Variants in RAPGEF4 observed in about 807,000 individuals in gnomAD.
RAPGEF4 encodes the protein Rap guanine nucleotide exchange factor 4.
In RAPGEF4, 66 loss-of-function variants were observed where a neutral mutation model predicts 147.9. The ratio of observed to expected loss-of-function variants is 0.45; its 90% CI spans 0.37 to 0.55. The LOEUF (loss-of-function observed/expected upper bound fraction) is 0.55. RAPGEF4 is among the 20% of genes least tolerant of loss of function. The pLI, the probability that RAPGEF4 is intolerant of heterozygous loss-of-function variation, is 0.00. For synonymous variants in RAPGEF4, 419 were observed against 442.7 expected, an observed-to-expected ratio of 0.95 and a Z score of 0.67; for missense variants, 1,071 against 1,257.3, an observed-to-expected ratio of 0.85 and a Z score of 2.24.
At chr2:172,791,339 G>C (rs1055148283) in intron 1 of RAPGEF4, among the ~76,000 whole-genome samples, 24 of 152,202 alleles carry the variant, frequency 1.6e-4, no homozygotes, top group Non-Finnish European at 2.6e-4. Context: ...TTCAGTTTGA[G>C]GTCGCTGTAG....
chr2:172,909,611 T>TG (rs996644920), intron 4 of RAPGEF4, among the ~76,000 whole-genome samples: 23 of 152,080 alleles, frequency 1.5e-4, no homozygotes, highest in African/African-American at 5.6e-4. Context: ...GGAGGGCATG[T>TG]GGGGGCCACA....
At chr2:172,907,122 C>G (rs1699708614) in intron 4 of RAPGEF4, among the ~76,000 whole-genome samples, 1 of 152,236 alleles carries the variant, frequency 6.6e-6, no homozygotes, top group African/African-American at 2.4e-5. Context: ...CCTCAGTGCT[C>G]TTGATGGAGA....
chr2:173,029,128 G>A (rs1466315136), intron 25 of RAPGEF4, among the ~76,000 whole-genome samples: 2 of 152,120 alleles, frequency 1.3e-5, no homozygotes, highest in Admixed American at 1.3e-4. Context: ...GCACACCAAA[G>A]GCCTCACTTG....
intron 4 of RAPGEF4, among the ~76,000 whole-genome samples, chr2:172,828,329 A>G (rs1689912089): frequency 6.6e-6 from 1 of 152,136 alleles, no homozygotes; most frequent in Non-Finnish European, 1.5e-5. Context: ...GACCCAGGCA[A>G]AGTATACAAG....
chr2:172,875,571 T>C (rs1458125390), intron 4 of RAPGEF4, among the ~76,000 whole-genome samples: 1 of 152,180 alleles, frequency 6.6e-6, no homozygotes, highest in Non-Finnish European at 1.5e-5. Flanking sequence ...TGTGTGGTAT[T>C]ATTTCGGAGG....
At chr2:172,804,827 G>A (rs1418858078) in intron 3 of RAPGEF4, among the ~76,000 whole-genome samples, 1 of 152,206 alleles carries the variant, frequency 6.6e-6, no homozygotes, top group Non-Finnish European at 1.5e-5. Flanking sequence ...ATTAACTACA[G>A]ACATTTCGAT....
chr2:172,991,866 A>C (rs977152052), intron 15 of RAPGEF4, among the ~76,000 whole-genome samples: 1 of 152,242 alleles, frequency 6.6e-6, no homozygotes, highest in African/African-American at 2.4e-5. Flanking sequence ...GTGAATCAAC[A>C]TATTTGCAAA....
At chr2:172,985,533 C>A in intron 12 of RAPGEF4, 40 bp downstream of exon 12, 2 of 1,600,148 alleles carry the variant, frequency 1.2e-6, no homozygotes, top group South Asian at 2.3e-5. Context: ...GCCTGGCCAG[C>A]ACCCTTGCAA....
rs550457277 is a variant in RAPGEF4 at position 172,987,259 on chromosome 2, G to A, written c.1151-937G>A. On this transcript the variant is annotated intron_variant, in intron 12 of 30. Transcript: ENST00000397081. Reference sequence around the variant, plus strand: ...CAAGGCTGCAGTGAGCCGTGATCACGCCACTGCACTCCAGCCTAGGTGACA... The same window carrying A: ...CAAGGCTGCAGTGAGCCGTGATCACACCACTGCACTCCAGCCTAGGTGACA... Among the ~76,000 whole-genome samples, 210 of 152,214 alleles carry A rather than the reference G, an allele frequency of 1.4e-3. 1 individual carries two copies. Among genetic ancestry groups the A allele is most frequent in the African/African-American group, 4.5e-3 (188 of 41,538 alleles).
chr2:172,945,151 T>A (rs1687564995), intron 6 of RAPGEF4, among the ~76,000 whole-genome samples: 1 of 152,132 alleles, frequency 6.6e-6, no homozygotes, highest in Admixed American at 6.6e-5. Context: ...TAGGGCAACT[T>A]GATGATAAAA....
chr2:173,044,631 T>G (rs922842920), intron 29 of RAPGEF4, among the ~76,000 whole-genome samples: 1 of 152,274 alleles, frequency 6.6e-6, no homozygotes, highest in African/African-American at 2.4e-5. Context: ...TAGGAACATA[T>G]TCATTTTTGC....
intron 4 of RAPGEF4, among the ~76,000 whole-genome samples, chr2:172,824,490 C>G (rs1480058270): frequency 6.6e-6 from 1 of 152,184 alleles, no homozygotes; most frequent in East Asian, 1.9e-4. Context: ...GTTGAATTTC[C>G]TAGTGTAGTT....
At chr2:172,859,411 A>T (rs1207418755) in intron 4 of RAPGEF4, among the ~76,000 whole-genome samples, 1 of 152,248 alleles carries the variant, frequency 6.6e-6, no homozygotes, top group Non-Finnish European at 1.5e-5. Flanking sequence ...GGTTGAGAAG[A>T]TTTTAAACAT....
At chr2:172,918,609 G>A (rs1174511004) in intron 5 of RAPGEF4, among the ~76,000 whole-genome samples, 1 of 151,974 alleles carries the variant, frequency 6.6e-6, no homozygotes, top group African/African-American at 2.4e-5. Context: ...TTCTCTAGTG[G>A]GTCCCCACTA....
chr2:172,909,916 C>A (rs1008506297), intron 4 of RAPGEF4, among the ~76,000 whole-genome samples: 5 of 152,146 alleles, frequency 3.3e-5, no homozygotes, highest in African/African-American at 1.2e-4. Flanking sequence ...CCCTCTACCT[C>A]AGGAGGATTT....
At chr2:172,998,808 G>A (rs1325520696) in intron 16 of RAPGEF4, among the ~76,000 whole-genome samples, 1 of 152,172 alleles carries the variant, frequency 6.6e-6, no homozygotes. Context: ...CCCAGAATGT[G>A]TGATTGCATA....
chr2:172,831,470 T>C (rs1298630156), intron 4 of RAPGEF4, among the ~76,000 whole-genome samples: 3 of 151,820 alleles, frequency 2.0e-5, no homozygotes, highest in Admixed American at 6.6e-5. Context: ...AGTTTCACCA[T>C]GTTGGCCAGG....
chr2:172,752,833 G>T (rs537898925), intron 1 of RAPGEF4, among the ~76,000 whole-genome samples: 3 of 152,154 alleles, frequency 2.0e-5, no homozygotes, highest in Non-Finnish European at 2.9e-5. Context: ...ATCTCCTTGC[G>T]CTGTAGCTGT....
At chr2:173,020,352 A>G (rs1259517365) in intron 22 of RAPGEF4, among the ~76,000 whole-genome samples, 1 of 152,158 alleles carries the variant, frequency 6.6e-6, no homozygotes, top group Non-Finnish European at 1.5e-5. Flanking sequence ...GTGCTCAGTA[A>G]TTATGGTTGC....
Sources: allele counts gnomAD v4.1 joint callset (sites outside exome capture counted in the v4.1 genomes callset), GRCh38; gene constraint gnomAD v4.1.1; transcripts MANE v1.5; gene names NCBI Gene and HGNC (gene_info 2026-07-23, HGNC 2026-07-21).